ELMO1: variants seen among roughly 807,000 people sequenced by gnomAD.
ELMO1 encodes engulfment and cell motility 1, also known as engulfment and cell motility protein 1.
Under a neutral mutation model 98.9 loss-of-function variants are expected in ELMO1, and 26 were observed. That is an observed-to-expected ratio of 0.26 (90% CI 0.19 to 0.36). The LOEUF is 0.36. ELMO1 is among the 10% of genes least tolerant of loss of function. ELMO1 has a pLI of 1.00. For missense variants in ELMO1, 627 were observed against 935.2 expected (o/e 0.67, Z 4.30); for synonymous variants, 346 against 346.0 (o/e 1.00, Z 0.00).
intron 16 of ELMO1, among the ~76,000 whole-genome samples, chr7:37,004,443 G>C (rs953172713): frequency 2.6e-5 from 4 of 152,212 alleles, no homozygotes; most frequent in African/African-American, 9.6e-5. Context: ...GGGATGGTCA[G>C]AAATTGAACC....
chr7:37,414,632 C>T (rs779236253), intron 1 of ELMO1, among the ~76,000 whole-genome samples: 1 of 152,208 alleles, frequency 6.6e-6, no homozygotes, highest in Non-Finnish European at 1.5e-5. Context: ...AAAAAGAAAC[C>T]CTAAATGACC....
chr7:37,056,296 CA>C lies in ELMO1; in HGVS notation c.1300+40322del, dbSNP rs557088782. On this transcript the variant is annotated intron_variant, in intron 15 of 21. Transcript: ENST00000310758. ...AGTTTCTTTTAAGTGACTTTCTTGA[CA>C]GGGGCACCAGGCAGGGTCAGCTTTT... Among the ~76,000 whole-genome samples, 634 of 152,310 alleles carry C rather than the reference CA, an allele frequency of 4.2e-3. 5 individuals are homozygous for C. The highest frequency in any genetic ancestry group is 0.029 in the South Asian group (140 of 4,830).
At chr7:36,903,573 C>T (rs1402556573) in intron 16 of ELMO1, among the ~76,000 whole-genome samples, 2 of 152,220 alleles carry the variant, frequency 1.3e-5, no homozygotes, top group Non-Finnish European at 2.9e-5. Context: ...ATGTCTTTGC[C>T]TGGCCTCATC....
chr7:37,396,426 T>A (rs560944960), intron 1 of ELMO1, among the ~76,000 whole-genome samples: 4 of 152,224 alleles, frequency 2.6e-5, no homozygotes, highest in Admixed American at 1.3e-4. Context: ...ATAATGCATG[T>A]CAGAGCCATT....
At chr7:37,394,338 G>A (rs1372359742) in intron 1 of ELMO1, among the ~76,000 whole-genome samples, 1 of 152,210 alleles carries the variant, frequency 6.6e-6, no homozygotes, top group African/African-American at 2.4e-5. Context: ...CAGTCAGACT[G>A]TGAGCTAAGT....
At chr7:37,316,164 C>T (rs1479633031) in intron 2 of ELMO1, among the ~76,000 whole-genome samples, 4 of 152,192 alleles carry the variant, frequency 2.6e-5, no homozygotes, top group African/African-American at 7.2e-5. Flanking sequence ...TTTATTACCC[C>T]TGTGGTCCTT....
chr7:37,104,010 C>CAAAAAAAAAAAAAAAA lies in ELMO1; in HGVS notation c.1192-7299_1192-7284dup, dbSNP rs35979251. 7.2e-4 allele frequency among the ~76,000 whole-genome samples: 21 copies of CAAAAAAAAAAAAAAAA among 29,016 alleles called. 1 individual carries two copies. Among genetic ancestry groups the CAAAAAAAAAAAAAAAA allele is most frequent in the Admixed American group, 1.5e-3 (2 of 1,348 alleles). The allele number at this position is 29,016 out of a possible 152,430, so 19.0% of individuals were successfully genotyped here. Reference sequence around the variant, plus strand: ...TGGGTGAGAGAGTGAGACTCCATCTCAAAAAAAAAAAAAAAAAAAAAAAAA... The same window carrying CAAAAAAAAAAAAAAAA: ...TGGGTGAGAGAGTGAGACTCCATCTCAAAAAAAAAAAAAAAAAAAAAAAAAAAAAAAAAAAAAAAAA... On this transcript the variant is annotated intron_variant, in intron 14 of 21. Coordinates refer to ENST00000310758, the MANE Select transcript of ELMO1 (RefSeq NM_014800.11).
intron 1 of ELMO1, chr7:37,429,663 TC>T (rs1202905960): frequency 6.6e-6 from 1 of 152,346 alleles, no homozygotes; most frequent in African/African-American, 2.4e-5. Context: ...GTGAATGAAC[TC>T]ATGCATTTTG....
At chr7:37,195,554 G>A (rs114872731) in intron 13 of ELMO1, among the ~76,000 whole-genome samples, 1,600 of 152,346 alleles carry the variant, frequency 0.011, 31 homozygotes, top group African/African-American at 0.037. Context: ...TGGATGCCCA[G>A]CCATGCCCAG....
intron 2 of ELMO1, among the ~76,000 whole-genome samples, chr7:37,334,515 C>T (rs1269382190): frequency 6.6e-6 from 1 of 152,108 alleles, no homozygotes; most frequent in African/African-American, 2.4e-5. Context: ...CAAATCAGTA[C>T]CTTCCTAGCT....
chr7:37,355,403 T>C (rs1365800907), intron 1 of ELMO1, among the ~76,000 whole-genome samples: 1 of 152,220 alleles, frequency 6.6e-6, no homozygotes, highest in African/African-American at 2.4e-5. Context: ...TAGTCCAGTC[T>C]CATGAAACAC....
intron 6 of ELMO1, among the ~76,000 whole-genome samples, chr7:37,245,386 G>A (rs1388605226): frequency 2.6e-5 from 4 of 152,042 alleles, no homozygotes; most frequent in East Asian, 1.9e-4. Flanking sequence ...GTTGACAAAC[G>A]ATTTTGCTCT....
intron 1 of ELMO1, among the ~76,000 whole-genome samples, chr7:37,372,772 C>G (rs1231683812): frequency 6.6e-6 from 1 of 152,188 alleles, no homozygotes; most frequent in Non-Finnish European, 1.5e-5. Flanking sequence ...GGAAATTTTC[C>G]ACTATATTTC....
At chr7:37,218,204 C>T (rs6955405) in intron 10 of ELMO1, among the ~76,000 whole-genome samples, 42,640 of 151,578 alleles carry the variant, frequency 0.28, 6,647 homozygotes, top group African/African-American at 0.41. Context: ...TAAATAAAGA[C>T]GGAAAAAAAT....
chr7:36,889,625 G>A (rs1015952049), intron 17 of ELMO1, among the ~76,000 whole-genome samples: 1 of 152,340 alleles, frequency 6.6e-6, no homozygotes, highest in Admixed American at 6.5e-5. Context: ...TTAAAATGGA[G>A]TGGAGAATGC....
intron 16 of ELMO1, among the ~76,000 whole-genome samples, chr7:36,975,800 T>G (rs1790482935): frequency 1.4e-5 from 2 of 144,470 alleles, no homozygotes; most frequent in South Asian, 4.3e-4. Context: ...TGAGCCGAGA[T>G]CGTACCCCTG....
chr7:36,936,979 G>A (rs1786589692), intron 16 of ELMO1, among the ~76,000 whole-genome samples: 1 of 152,170 alleles, frequency 6.6e-6, no homozygotes. Flanking sequence ...GGTTCTCCCA[G>A]GGATCTACTT....
intron 16 of ELMO1, among the ~76,000 whole-genome samples, chr7:36,980,872 T>C (rs1483118841): frequency 2.0e-5 from 3 of 152,092 alleles, no homozygotes; most frequent in South Asian, 2.1e-4. Flanking sequence ...CTGCCTATGG[T>C]TTAATCTATT....
intron 1 of ELMO1, among the ~76,000 whole-genome samples, chr7:37,345,921 A>G (rs866077617): frequency 3.3e-5 from 5 of 150,654 alleles, no homozygotes; most frequent in African/African-American, 1.2e-4. Flanking sequence ...CCCAGGAGGC[A>G]GAGCTTGCAG....
Sources: allele counts gnomAD v4.1 joint callset (sites outside exome capture counted in the v4.1 genomes callset), GRCh38; gene constraint gnomAD v4.1.1; transcripts MANE v1.5; gene names NCBI Gene and HGNC (gene_info 2026-07-23, HGNC 2026-07-21).